The following TBC1D5 variants were observed in gnomAD, a reference collection of about 807,000 sequenced individuals.
TBC1D5 encodes the protein TBC1 domain family member 5, also known as TBC1 domain family, member 5.
TBC1D5 carries 75 observed loss-of-function variants against 100.3 expected under a neutral mutation model. The ratio of observed to expected loss-of-function variants is 0.75; its 90% confidence interval spans 0.62 to 0.91. The LOEUF is 0.91. Among genes scored for constraint, TBC1D5 ranks in the 40% least tolerant of loss-of-function variants. The pLI is 0.00. For missense variants in TBC1D5, 910 were observed against 942.4 expected (o/e 0.97, Z 0.45); for synonymous variants, 323 against 325.6 (o/e 0.99, Z 0.09).
intron 3 of TBC1D5, among the ~76,000 whole-genome samples, chr3:17,446,275 C>A (rs1356849580): frequency 6.6e-6 from 1 of 152,020 alleles, no homozygotes; most frequent in South Asian, 2.1e-4. Flanking sequence ...TGATAAGAAA[C>A]AAATCCTATT....
intron 1 of TBC1D5, among the ~76,000 whole-genome samples, chr3:17,658,872 C>T (rs565805016): frequency 1.3e-5 from 2 of 152,186 alleles, no homozygotes; most frequent in Non-Finnish European, 2.9e-5. Flanking sequence ...CCATGTTGGC[C>T]AGGCTGGTCT....
chr3:17,645,138 C>T (rs143796334), intron 1 of TBC1D5, among the ~76,000 whole-genome samples: 37 of 152,132 alleles, frequency 2.4e-4, no homozygotes, highest in African/African-American at 8.2e-4. Flanking sequence ...TACTGCTAGC[C>T]TATGCTTTAA....
chr3:17,280,545 C>T (rs1454643307), intron 15 of TBC1D5, among the ~76,000 whole-genome samples: 1 of 152,136 alleles, frequency 6.6e-6, no homozygotes, highest in African/African-American at 2.4e-5. Flanking sequence ...ACATTGGAGA[C>T]TATGGTTTGA....
intron 1 of TBC1D5, among the ~76,000 whole-genome samples, chr3:17,631,005 C>T (rs1397091418): frequency 7.1e-6 from 1 of 140,702 alleles, no homozygotes; most frequent in Admixed American, 7.5e-5. Flanking sequence ...GATGGCACCA[C>T]TGCACTCTAG....
At chr3:17,642,069 C>T (rs561507134) in intron 1 of TBC1D5, among the ~76,000 whole-genome samples, 1 of 152,214 alleles carries the variant, frequency 6.6e-6, no homozygotes, top group African/African-American at 2.4e-5. Flanking sequence ...TGGGTTTATG[C>T]TATGAAAATC....
At chr3:17,465,853 C>G (rs2095291923) in intron 3 of TBC1D5, among the ~76,000 whole-genome samples, 1 of 152,182 alleles carries the variant, frequency 6.6e-6, no homozygotes, top group Admixed American at 6.5e-5. Flanking sequence ...TTTTTGGCAG[C>G]TATTTTCTAG....
intron 2 of TBC1D5, among the ~76,000 whole-genome samples, chr3:17,515,160 T>C (rs1398994943): frequency 1.3e-5 from 2 of 152,128 alleles, no homozygotes; most frequent in East Asian, 3.8e-4. Context: ...CTACTCTTCA[T>C]ACAAACATCA....
intron 13 of TBC1D5, among the ~76,000 whole-genome samples, chr3:17,327,109 CTTTTA>C (rs1283347591): frequency 6.6e-6 from 1 of 152,084 alleles, no homozygotes; most frequent in East Asian, 1.9e-4. Flanking sequence ...AAAAATTTAC[CTTTTA>C]TTTAACTGAA....
chr3:17,484,238 C>A (rs1375682108), intron 3 of TBC1D5, among the ~76,000 whole-genome samples: 1 of 152,160 alleles, frequency 6.6e-6, no homozygotes, highest in African/African-American at 2.4e-5. Context: ...TGAAACCTGT[C>A]ACACTCCTGA....
At chr3:17,510,778 A>G (rs2153233142) in intron 2 of TBC1D5, among the ~76,000 whole-genome samples, 1 of 152,148 alleles carries the variant, frequency 6.6e-6, no homozygotes, top group East Asian at 1.9e-4. Context: ...TATATGCCAA[A>G]AACTAGTCTA....
intron 3 of TBC1D5, among the ~76,000 whole-genome samples, chr3:17,434,124 A>G (rs1258849583): frequency 2.0e-5 from 3 of 152,162 alleles, no homozygotes; most frequent in Non-Finnish European, 4.4e-5. Context: ...CAGGTGCACA[A>G]TGCAAGCTGT....
chr3:17,412,352 T>C (rs146078679), intron 4 of TBC1D5, among the ~76,000 whole-genome samples: 3,532 of 152,206 alleles, frequency 0.023, 127 homozygotes, highest in African/African-American at 0.079. Flanking sequence ...AGTAGCACCA[T>C]AGCCACTGAA....
intron 1 of TBC1D5, among the ~76,000 whole-genome samples, chr3:17,721,343 C>T (rs2075680903): frequency 6.6e-6 from 1 of 152,024 alleles, no homozygotes; most frequent in African/African-American, 2.4e-5. Flanking sequence ...ATGTCAAGTA[C>T]ATAGTTTATA....
chr3:17,330,779 C>T (rs569452943), intron 13 of TBC1D5, among the ~76,000 whole-genome samples: 4 of 152,244 alleles, frequency 2.6e-5, no homozygotes, highest in Admixed American at 6.5e-5. Flanking sequence ...GGATGCCCTA[C>T]AAGCAGTTGA....
At chr3:17,326,254 T>A (rs2470580) in intron 13 of TBC1D5, among the ~76,000 whole-genome samples, 1 of 151,892 alleles carries the variant, frequency 6.6e-6, no homozygotes, top group Non-Finnish European at 1.5e-5. Flanking sequence ...ATAGGAACAT[T>A]GAAGAGGGAA....
chr3:17,370,163 G>A (rs1315718106), intron 13 of TBC1D5, among the ~76,000 whole-genome samples: 1 of 152,066 alleles, frequency 6.6e-6, no homozygotes, highest in South Asian at 2.1e-4. Context: ...GAAACACTCT[G>A]GTTATAAATT....
At chr3:17,643,806 A>G (rs1017678756) in intron 1 of TBC1D5, among the ~76,000 whole-genome samples, 3 of 152,118 alleles carry the variant, frequency 2.0e-5, no homozygotes, top group Admixed American at 2.0e-4. Flanking sequence ...TTTGTTTTAT[A>G]TAATTGTAGC....
chr3:17,303,773 C>T (rs1409080910), intron 14 of TBC1D5, among the ~76,000 whole-genome samples: 1 of 151,748 alleles, frequency 6.6e-6, no homozygotes, highest in Non-Finnish European at 1.5e-5. Flanking sequence ...ACACCCTCTA[C>T]CCTCCTATCT....
intron 2 of TBC1D5, among the ~76,000 whole-genome samples, chr3:17,570,726 A>G (rs1320710796): frequency 1.3e-5 from 2 of 151,996 alleles, no homozygotes; most frequent in Non-Finnish European, 2.9e-5. Flanking sequence ...ACTCATGTCT[A>G]TCATCTAGAA....
Sources: allele counts gnomAD v4.1 joint callset (sites outside exome capture counted in the v4.1 genomes callset), GRCh38; gene constraint gnomAD v4.1.1; transcripts MANE v1.5; gene names NCBI Gene and HGNC (gene_info 2026-07-23, HGNC 2026-07-21).